Variants in NAALADL2 observed in about 807,000 individuals in gnomAD.
NAALADL2 encodes the protein inactive N-acetylated-alpha-linked acidic dipeptidase-like protein 2.
NAALADL2 carries 76 observed loss-of-function variants against 87.2 expected under a neutral mutation model. That is an observed-to-expected ratio of 0.87 (90% confidence interval 0.72 to 1.05). The LOEUF (loss-of-function observed/expected upper bound fraction) is 1.05. Among genes scored for constraint, NAALADL2 ranks in the 50% least tolerant of loss-of-function variants. The pLI is 0.00. For synonymous variants in NAALADL2, 354 were observed against 331.0 expected (o/e 1.07, Z -0.75); for missense variants, 1,089 against 945.8 (o/e 1.15, Z -1.99).
At chr3:175,447,419 AC>A in intron 6 of NAALADL2, 47 bp downstream of exon 6, 1 of 1,307,682 alleles carries the variant, frequency 7.6e-7, no homozygotes, top group South Asian at 1.6e-5. Flanking sequence ...TTTTTTAAAG[AC>A]CATGATCATT....
intron 1 of NAALADL2, among the ~76,000 whole-genome samples, chr3:175,011,358 T>C (rs1253216165): frequency 6.6e-6 from 1 of 151,680 alleles, no homozygotes; most frequent in Non-Finnish European, 1.5e-5. Flanking sequence ...AGCTTGAAGT[T>C]GTAATATAAT....
intron 1 of NAALADL2, among the ~76,000 whole-genome samples, chr3:174,993,672 A>G (rs1747045499): frequency 6.6e-6 from 1 of 152,192 alleles, no homozygotes; most frequent in East Asian, 1.9e-4. Flanking sequence ...CATGCTATTA[A>G]GAGTTAGAAA....
intron 1 of NAALADL2, among the ~76,000 whole-genome samples, chr3:175,036,885 C>T (rs1307506921): frequency 6.7e-6 from 1 of 148,334 alleles, no homozygotes; most frequent in African/African-American, 2.5e-5. Flanking sequence ...CTGTTTTCTC[C>T]TCACCAAAAG....
At chr3:174,643,583 G>C (rs927520436) in intron 2 of NAALADL2, among the ~76,000 whole-genome samples, 4 of 152,104 alleles carry the variant, frequency 2.6e-5, no homozygotes, top group African/African-American at 9.7e-5. Flanking sequence ...AAACCTGAGA[G>C]GCAGAGGTTG....
intron 2 of NAALADL2, among the ~76,000 whole-genome samples, chr3:174,558,340 G>A (rs1488676001): frequency 6.6e-6 from 1 of 151,822 alleles, no homozygotes; most frequent in Non-Finnish European, 1.5e-5. Context: ...TTTTTCCACA[G>A]ACTGGGTACG....
At chr3:175,219,473 AT>A (rs1743017708) in intron 2 of NAALADL2, among the ~76,000 whole-genome samples, 1 of 152,096 alleles carries the variant, frequency 6.6e-6, no homozygotes, top group Non-Finnish European at 1.5e-5. Context: ...CTTGAACTCT[AT>A]TGATTACATT....
rs532989859 is a variant in NAALADL2 at position 174,947,099 on chromosome 3, G to A, written c.43+87649G>A. 5.9e-5 allele frequency among the ~76,000 whole-genome samples: 9 copies of A among 152,198 alleles called. No homozygotes were observed. The South Asian group carries it at 1.7e-3, about 28-fold the overall frequency. ...CTTAATTGCGTTGTGCTCAGTTAGA[G>A]CATCATAACTTATCTATAGTGCATT... On this transcript the variant is annotated intron_variant, in intron 1 of 13. Coordinates refer to ENST00000454872, the MANE Select transcript of NAALADL2 (RefSeq NM_207015.3).
At chr3:175,253,976 C>G (rs1560237339) in intron 3 of NAALADL2, among the ~76,000 whole-genome samples, 1 of 152,120 alleles carries the variant, frequency 6.6e-6, no homozygotes, top group African/African-American at 2.4e-5. Context: ...CTTCTAGACT[C>G]TATCTTTCCA....
At chr3:175,567,628 A>T (rs189638990) in intron 9 of NAALADL2, among the ~76,000 whole-genome samples, 1 of 152,252 alleles carries the variant, frequency 6.6e-6, no homozygotes, top group Admixed American at 6.5e-5. Context: ...GTTAACATCC[A>T]GTAAGTAGGT....
chr3:174,822,415 A>G (rs1024698041), intron 3 of NAALADL2, among the ~76,000 whole-genome samples: 1 of 152,202 alleles, frequency 6.6e-6, no homozygotes, highest in Non-Finnish European at 1.5e-5. Context: ...GGACCAGTTT[A>G]AAAAGAAAAC....
intron 10 of NAALADL2, among the ~76,000 whole-genome samples, chr3:175,595,661 A>G (rs1271715294): frequency 6.6e-6 from 1 of 151,968 alleles, no homozygotes; most frequent in African/African-American, 2.4e-5. Flanking sequence ...GAAAATGAAA[A>G]CCTGGGACTA....
chr3:175,652,710 C>A (rs975541891), intron 11 of NAALADL2, among the ~76,000 whole-genome samples: 3 of 152,026 alleles, frequency 2.0e-5, no homozygotes, highest in Non-Finnish European at 2.9e-5. Context: ...GATCTCCTGA[C>A]CTCGTGATCC....
intron 11 of NAALADL2, among the ~76,000 whole-genome samples, chr3:175,637,694 C>A (rs921962150): frequency 3.9e-5 from 6 of 152,152 alleles, no homozygotes; most frequent in Admixed American, 2.0e-4. Flanking sequence ...CAGAAGCAGA[C>A]GCTGGTGCCA....
chr3:175,709,569 C>T (rs1275634527), intron 11 of NAALADL2, among the ~76,000 whole-genome samples: 1 of 152,070 alleles, frequency 6.6e-6, no homozygotes, highest in Non-Finnish European at 1.5e-5. Context: ...GTTGCGTAGG[C>T]TTATATGAAC....
intron 13 of NAALADL2, among the ~76,000 whole-genome samples, chr3:175,786,442 C>T (rs1751974635): frequency 6.6e-6 from 1 of 152,094 alleles, no homozygotes; most frequent in Admixed American, 6.6e-5. Flanking sequence ...TCCTTCATTT[C>T]ATTCATTTCA....
In NAALADL2 at chr3:175,465,251, C is replaced by CAA. The variant is rs563877269; in HGVS notation, c.1328-1711_1328-1710dup. On this transcript the variant is annotated intron_variant, in intron 7 of 13. Transcript: ENST00000454872. Reference sequence around the variant, plus strand: ...TGGGCGACAGAGCGAGACTCTATCTCAAAAAAAAAAAAAAAAAAGACTATT... The same window carrying CAA: ...TGGGCGACAGAGCGAGACTCTATCTCAAAAAAAAAAAAAAAAAAAAGACTATT... 6.5e-4 allele frequency among the ~76,000 whole-genome samples: 55 copies of CAA among 84,194 alleles called. 1 individual carries two copies. The highest frequency in any genetic ancestry group is 1.1e-3 in the African/African-American group (30 of 26,230). 55.2% of individuals were successfully genotyped at this position (84,194 alleles called of 152,430 possible).
At chr3:174,677,424 G>A (rs185976318) in intron 2 of NAALADL2, among the ~76,000 whole-genome samples, 34 of 151,622 alleles carry the variant, frequency 2.2e-4, no homozygotes, top group African/African-American at 8.2e-4. Flanking sequence ...TTTTTATTCT[G>A]TCAATAACAT....
intron 1 of NAALADL2, among the ~76,000 whole-genome samples, chr3:174,959,205 ATGTT>A (rs2108546757): frequency 6.6e-6 from 1 of 152,160 alleles, no homozygotes; most frequent in African/African-American, 2.4e-5. Flanking sequence ...GCGGTAGCAT[ATGTT>A]TGTTTGGCAC....
chr3:175,262,083 TAC>T (rs1015523375), intron 4 of NAALADL2, among the ~76,000 whole-genome samples: 14 of 152,192 alleles, frequency 9.2e-5, no homozygotes, highest in African/African-American at 3.4e-4. Flanking sequence ...AGAAAATAAT[TAC>T]ATTTAAAATA....
Sources: gnomAD v4.1 joint callset for allele counts (sites outside exome capture counted in the v4.1 genomes callset) on GRCh38, gnomAD v4.1.1 for gene constraint, MANE v1.5 for transcripts, NCBI Gene and HGNC (gene_info 2026-07-23, HGNC 2026-07-21) for gene names.